Variants in DLG2 observed in about 807,000 individuals in gnomAD.
DLG2 encodes the protein disks large homolog 2.
A neutral mutation model predicts 132.5 loss-of-function variants in DLG2; 45 were observed. That is an observed-to-expected ratio of 0.34 (90% CI 0.27 to 0.44). DLG2 has a LOEUF of 0.44. DLG2 is among the 20% of genes least tolerant of loss of function. The pLI is 1.00. For missense variants in DLG2, 1,045 were observed against 1,196.9 expected, an observed-to-expected ratio of 0.87 and a Z score of 1.87; for synonymous variants, 424 against 419.6, an observed-to-expected ratio of 1.01 and a Z score of -0.13.
chr11:85,156,880 G>T (rs961219466), intron 4 of DLG2, among the ~76,000 whole-genome samples: 1 of 152,194 alleles, frequency 6.6e-6, no homozygotes, highest in Admixed American at 6.5e-5. Flanking sequence ...ATCTATCTAT[G>T]CATCTCTTTG....
rs116396771 is a variant in DLG2, at chr11:85,583,902, G to T, written c.40+14755C>A. ...ACCACATATCTGCAAAGAAAATGTGGTTTTTTAATGTGTTTATGATTTTTT... is the reference window on the plus strand; with the variant it reads ...ACCACATATCTGCAAAGAAAATGTGTTTTTTTAATGTGTTTATGATTTTTT... On this transcript the variant is annotated intron_variant, in intron 3 of 27. Coordinates refer to ENST00000376104, the MANE Select transcript of DLG2 (RefSeq NM_001142699.3). Among the ~76,000 whole-genome samples, 916 of 152,270 alleles carry T rather than the reference G, an allele frequency of 6.0e-3. 8 individuals carry two copies. The highest frequency in any genetic ancestry group is 0.021 in the African/African-American group (870 of 41,562).
chr11:84,625,342 G>A (rs993956321), intron 6 of DLG2, among the ~76,000 whole-genome samples: 2 of 152,098 alleles, frequency 1.3e-5, no homozygotes, highest in African/African-American at 4.8e-5. Context: ...ACCATAATTG[G>A]GCTGGATTAC....
chr11:84,964,386 C>T (rs2053031295), intron 6 of DLG2, among the ~76,000 whole-genome samples: 2 of 152,130 alleles, frequency 1.3e-5, no homozygotes, highest in South Asian at 4.1e-4. Flanking sequence ...TCTGCCACTA[C>T]TCATAAACAA....
intron 2 of DLG2, among the ~76,000 whole-genome samples, chr11:85,626,126 A>G (rs76300050): frequency 0.048 from 7,362 of 152,326 alleles, 571 homozygotes; most frequent in African/African-American, 0.17. Context: ...TAATAAGTCT[A>G]TTTTTTAACC....
At chr11:85,624,988 T>C (rs574500461) in intron 2 of DLG2, 1 of 152,336 alleles carries the variant, frequency 6.6e-6, no homozygotes, top group East Asian at 1.9e-4. Context: ...GGAAGAACTT[T>C]TAAGAAACTC....
In DLG2 at chr11:83,991,399, C is replaced by T. The variant is rs573755915; in HGVS notation, c.920-10757G>A. 7.2e-5 allele frequency among the ~76,000 whole-genome samples: 11 copies of T among 152,284 alleles called. No homozygotes were observed. In the South Asian group the frequency reaches 2.1e-3, roughly 29 times the overall value. On this transcript the variant is annotated intron_variant, in intron 11 of 27. Coordinates refer to ENST00000376104, the MANE Select transcript of DLG2 (RefSeq NM_001142699.3). ...TACCTTTAGCACATTGCTTTAATAC[C>T]TATTTTATTCTGAAAAATTCACATT...
chr11:85,308,485 A>AT (rs1201843205), intron 3 of DLG2, among the ~76,000 whole-genome samples: 2 of 152,008 alleles, frequency 1.3e-5, no homozygotes, highest in Non-Finnish European at 2.9e-5. Flanking sequence ...AGGTCAGGGT[A>AT]TTTTTTTGCC....
At chr11:83,907,107 T>C (rs1225048411) in intron 15 of DLG2, among the ~76,000 whole-genome samples, 1 of 152,154 alleles carries the variant, frequency 6.6e-6, no homozygotes, top group East Asian at 1.9e-4. Flanking sequence ...AAGACTGTTT[T>C]AAACAGTGAA....
intron 3 of DLG2, among the ~76,000 whole-genome samples, chr11:85,588,613 T>C (rs2079113650): frequency 6.6e-6 from 1 of 152,174 alleles, no homozygotes; most frequent in Non-Finnish European, 1.5e-5. Flanking sequence ...TTTAAATTGG[T>C]TTTCCCCTTT....
At chr11:84,260,619 C>T (rs1190963615) in intron 7 of DLG2, among the ~76,000 whole-genome samples, 1 of 152,092 alleles carries the variant, frequency 6.6e-6, no homozygotes, top group Non-Finnish European at 1.5e-5. Context: ...ATATGGTAAG[C>T]TTTTTACTTG....
intron 7 of DLG2, among the ~76,000 whole-genome samples, chr11:84,307,829 T>G (rs559347381): frequency 6.6e-6 from 1 of 151,776 alleles, no homozygotes; most frequent in Non-Finnish European, 1.5e-5. Context: ...GTGGGGTTCG[T>G]GGTCTCGCTG....
intron 18 of DLG2, among the ~76,000 whole-genome samples, chr11:83,734,950 G>T (rs1219425254): frequency 1.3e-5 from 2 of 151,824 alleles, no homozygotes; most frequent in Non-Finnish European, 2.9e-5. Flanking sequence ...CACAAACAAG[G>T]CGCCCCACAC....
chr11:84,626,912 C>G (rs1367651516), intron 6 of DLG2, among the ~76,000 whole-genome samples: 1 of 121,126 alleles, frequency 8.3e-6, no homozygotes, highest in Non-Finnish European at 1.8e-5. Flanking sequence ...CACTCTGTCA[C>G]CCAGGCTGGA....
intron 3 of DLG2, among the ~76,000 whole-genome samples, chr11:85,396,284 A>G (rs2087357139): frequency 6.6e-6 from 1 of 152,232 alleles, no homozygotes; most frequent in African/African-American, 2.4e-5. Flanking sequence ...CACCAGAATC[A>G]AAGACCAAAG....
At chr11:84,990,054 G>A (rs918373267) in intron 6 of DLG2, among the ~76,000 whole-genome samples, 2 of 152,228 alleles carry the variant, frequency 1.3e-5, no homozygotes, top group South Asian at 4.1e-4. Flanking sequence ...TGAAAGACCC[G>A]ATTAAGAAGA....
At chr11:84,558,351 G>A (rs1357788066) in intron 6 of DLG2, among the ~76,000 whole-genome samples, 1 of 152,130 alleles carries the variant, frequency 6.6e-6, no homozygotes, top group East Asian at 1.9e-4. Context: ...TTCTTAGAAA[G>A]TTTATAAAGC....
intron 6 of DLG2, among the ~76,000 whole-genome samples, chr11:84,550,366 C>T (rs1189055864): frequency 1.3e-5 from 2 of 152,146 alleles, no homozygotes; most frequent in Non-Finnish European, 2.9e-5. Flanking sequence ...CCAAATTCTA[C>T]TCACACCTCT....
intron 8 of DLG2, among the ~76,000 whole-genome samples, chr11:84,185,201 G>A (rs997314195): frequency 5.3e-5 from 8 of 152,074 alleles, no homozygotes; most frequent in Non-Finnish European, 8.8e-5. Flanking sequence ...TCCTATCCAC[G>A]AGCATGGAAT....
rs540099517 is a variant in DLG2, at chr11:84,670,915, TA to T, written c.358-136185del. Among the ~76,000 whole-genome samples the T allele has an allele frequency of 2.3e-3, 347 of 152,258 alleles. 3 individuals carry two copies. The highest frequency in any genetic ancestry group is 7.9e-3 in the African/African-American group (329 of 41,540). On this transcript the variant is annotated intron_variant, in intron 6 of 27. Transcript: ENST00000376104. ...TAACATCAGAGTAGATACCTTTTTG[TA>T]CTTATTAGTTTCATGTTTTGAATTA...
Sources: allele counts gnomAD v4.1 joint callset (sites outside exome capture counted in the v4.1 genomes callset), GRCh38; gene constraint gnomAD v4.1.1; transcripts MANE v1.5; gene names NCBI Gene and HGNC (gene_info 2026-07-23, HGNC 2026-07-21).